TLN1: variants seen among roughly 807,000 people sequenced by gnomAD.
TLN1 encodes talin-1.
TLN1 carries 56 observed loss-of-function variants against 292.3 expected under a neutral mutation model. That is an observed-to-expected ratio of 0.19 (90% CI 0.15 to 0.24). TLN1 has a LOEUF of 0.24. Among genes scored for constraint, TLN1 ranks in the 10% least tolerant of loss-of-function variants. The pLI is 1.00. For synonymous variants in TLN1, 1,119 were observed against 1,253.7 expected (o/e 0.89, Z 2.27); for missense variants, 2,433 against 3,248.2 (o/e 0.75, Z 6.10).
Position 35,714,395 on chromosome 9 carries a change from G to A in TLN1, c.2986-22C>T, listed in dbSNP as rs1184775365. 2.5e-6 allele frequency: 4 copies of A among 1,598,134 alleles called. No individual in the cohort carries two copies. Among genetic ancestry groups the A allele is most frequent in the Non-Finnish European group, 3.4e-6 (4 of 1,172,360 alleles). ...CTGGCTGTTGGGGAATAGGCAGGTG[G>A]ATGAAGTGTGCCATCCTCCCTCTGG... is the stretch of plus-strand genomic sequence containing the variant. On this transcript the variant is annotated intron_variant, in intron 23 of 56. Coordinates refer to ENST00000314888, the MANE Select transcript of TLN1 (RefSeq NM_006289.4). This position sits in a 1 kb window ranked among gnomAD's most constrained non-coding sequence, Gnocchi z 4.6.
intron 17 of TLN1, 152 bp downstream of exon 17, chr9:35,718,660 A>C (rs957929358): frequency 3.4e-5 from 22 of 647,526 alleles, no homozygotes; most frequent in Non-Finnish European, 5.8e-5. Context: ...CCTAAAAGAG[A>C]GATCAGAAGT....
At chr9:35,721,492 C>T (rs1337021211) in intron 10 of TLN1, among the ~76,000 whole-genome samples, 156 bp downstream of exon 10, 2 of 152,200 alleles carry the variant, frequency 1.3e-5, no homozygotes, top group African/African-American at 4.8e-5. Flanking sequence ...ATTTAAGCCT[C>T]ACACTCTCCC....
chr9:35,725,092 T>C (rs1048557833), intron 3 of TLN1, 132 bp downstream of exon 3: 2 of 1,541,162 alleles, frequency 1.3e-6, no homozygotes, highest in Admixed American at 3.5e-5. Flanking sequence ...CAGGGAATTA[T>C]GACTGTCTGT....
chr9:35,723,356 G>C (rs1239200677), intron 7 of TLN1: 1 of 199,034 alleles, frequency 5.0e-6, no homozygotes, highest in Non-Finnish European at 1.0e-5. Context: ...GCCCGCCCTG[G>C]CCTCCCAAAG....
rs185474328 is a variant in TLN1 at position 35,711,303 on chromosome 9, G to A, written c.3971C>T (p.Thr1324Met). The A allele has an allele frequency of 1.9e-5, 30 of 1,614,172 alleles. No homozygotes were observed. The East Asian group carries it at 2.0e-4, about 11-fold the overall frequency. ...KLLLAAKALS[T>M]DPAAPNLKSQ... ...CTTGAGGTTAGGGGCAGCAGGGTCC[G>A]TGGACAGGGCCTTGGCAGCCAGAAG... Residue 1324 changes from threonine to methionine, a missense_variant, in exon 30 of 57, where the codon ACG (threonine) becomes ATG (methionine). By Grantham distance (81) the Thr-to-Met change is moderately conservative. Around this residue, in one of 7 missense-constraint regions of TLN1, gnomAD observed 1,384 missense variants for 1,699.6 expected, o/e 0.81. Transcript: ENST00000314888.
rs1430361730 is a variant in TLN1, at chr9:35,707,145, G to T, written c.4882C>A (p.Pro1628Thr). Residue 1628 changes from proline (P) to threonine (T), a missense_variant, in exon 37 of 57, where the codon CCG becomes ACG. Physicochemically the swap from Pro to Thr is conservative, Grantham distance 38 (BLOSUM62 -1). This residue lies in a region of TLN1 where 1,384 missense variants were observed against 1,699.6 expected (regional missense o/e 0.81). Transcript: ENST00000314888. The surrounding 1 kb of genome is among the most constrained non-coding windows in gnomAD (Gnocchi z 5.6). Reference sequence around the variant, plus strand: ...TGGCCGGCCAGCACCGACCAGCTCGGGGGGTCCCGGGGATTGACTGCGAGG... The same window carrying T: ...TGGCCGGCCAGCACCGACCAGCTCGTGGGGTCCCGGGGATTGACTGCGAGG... ...RALAVNPRDP[P>T]SWSVLAGHSR... 6.2e-7 allele frequency: 1 copy of T among 1,610,432 alleles called. No homozygotes were observed. The highest frequency in any genetic ancestry group is 1.7e-4 in the Middle Eastern group (1 of 6,006).
At chr9:35,715,874 G>A (rs930251132) in intron 20 of TLN1, among the ~76,000 whole-genome samples, 1 of 152,138 alleles carries the variant, frequency 6.6e-6, no homozygotes, top group Non-Finnish European at 1.5e-5. Context: ...CACCACTGTA[G>A]GATGACTAAA....
rs1409221403 is a variant in TLN1, at chr9:35,718,877, C to T, written c.1930G>A (p.Val644Met). ...RQNLLQAAGN[V>M]GQASGELLQQ... ...AACAGCTCCCCACTGGCCTGGCCCA[C>T]GTTCCCAGCTGCTTGCAGCAGGTTC... is the stretch of plus-strand genomic sequence containing the variant. Residue 644 changes from valine (V) to methionine (M), a missense_variant, in exon 17 of 57, where the codon GTG (valine) becomes ATG (methionine). This residue lies in a region of TLN1 where 617 missense variants were observed against 770.6 expected (regional missense o/e 0.80). Transcript: ENST00000314888. 12 of 1,613,384 alleles carry T rather than the reference C, an allele frequency of 7.4e-6. No homozygotes were observed. The highest frequency in any genetic ancestry group is 2.2e-5 in the East Asian group (1 of 44,876).
chr9:35,721,769 C>G lies in TLN1; in HGVS notation c.983G>C (p.Arg328Thr). ...ACACTCCTTGGTGATGCCCAGAAGC[C>G]TGGGCACTAGCTTGTTCTTCCCTTT... ...KMKGKNKLVP[R>T]LLGITKECVM... Residue 328 changes from arginine (R) to threonine (T), a missense_variant, in exon 10 of 57, where the codon AGG (arginine) becomes ACG (threonine). Arg to Thr is a moderately conservative substitution (Grantham distance 71, BLOSUM62 -1). Transcript: ENST00000314888. The G allele has an allele frequency of 6.2e-7, 1 of 1,613,284 alleles. No individual in the cohort carries two copies. The highest frequency in any genetic ancestry group is 8.5e-7 in the Non-Finnish European group (1 of 1,179,226).
rs377428465 is a variant in TLN1, at chr9:35,724,146, G to A, written c.654+46C>T. On this transcript the variant is annotated intron_variant, in intron 6 of 56. Coordinates refer to ENST00000314888, the MANE Select transcript of TLN1 (RefSeq NM_006289.4). The surrounding 1 kb of genome is among the most constrained non-coding windows in gnomAD (Gnocchi z 4.7). ...GCAAGGACACGCACACTGTGCTTCC[G>A]AGCCCTCCCTATTCCTGCCCCACCC... is the stretch of plus-strand genomic sequence containing the variant. 28 of 1,613,444 alleles carry A rather than the reference G, an allele frequency of 1.7e-5. No homozygotes were observed. Among genetic ancestry groups the A allele is most frequent in the South Asian group, 1.1e-4 (10 of 91,082 alleles).
chr9:35,730,381 C>T (rs1826052839), intron 1 of TLN1, among the ~76,000 whole-genome samples: 1 of 151,130 alleles, frequency 6.6e-6, no homozygotes, highest in Non-Finnish European at 1.5e-5. Flanking sequence ...GTGGGATCAG[C>T]AAGACCCAGT....
chr9:35,705,582 T>G lies in TLN1; in HGVS notation c.5702A>C (p.Lys1901Thr), dbSNP rs774131777. The stretch of plus-strand genomic sequence containing the variant: ...ATTTTCAGCAGCCACCGCTGCAGGC[T>G]TGGCCTCCGAGGCCAGACGGCCATA... ...SDYGRLASEA[K>T]PAAVAAENEE... Residue 1901 changes from lysine (K) to threonine (T), a missense_variant, in exon 43 of 57, where the codon AAG becomes ACG. By Grantham distance (78) the Lys-to-Thr change is moderately conservative. Coordinates refer to ENST00000314888, the MANE Select transcript of TLN1 (RefSeq NM_006289.4). 6.2e-7 allele frequency: 1 copy of G among 1,603,670 alleles called. No individual in the cohort carries two copies. The highest frequency in any genetic ancestry group is 8.5e-7 in the Non-Finnish European group (1 of 1,172,416).
chr9:35,720,076 G>A lies in TLN1; in HGVS notation c.1427C>T (p.Thr476Ile), dbSNP rs1825854756. The change falls in exon 13 of 57, where the codon ACC (threonine) becomes ATC (isoleucine). Residue 476 changes from threonine (T) to isoleucine (I), a missense_variant. Physicochemically the swap from Thr to Ile is moderately conservative, Grantham distance 89. Transcript: ENST00000314888. ...GSMPPAQQQI[T>I]SGQMHRGHMP... The stretch of plus-strand genomic sequence containing the variant: ...GTGTCCTCGGTGCATCTGGCCGCTG[G>A]TAATCTGCTGCTGGGCAGGGGGCAT... 6.2e-6 allele frequency: 10 copies of A among 1,603,152 alleles called. No homozygotes were observed. The highest frequency in any genetic ancestry group is 7.7e-6 in the Non-Finnish European group (9 of 1,175,166).
chr9:35,722,984 AC>A, intron 7 of TLN1, 63 bp from the exon 8 acceptor site: 2 of 1,458,630 alleles, frequency 1.4e-6, no homozygotes, highest in Non-Finnish European at 9.6e-7. Flanking sequence ...TGGGCCATGA[AC>A]TGTGGGCCTG....
chr9:35,723,733 G>T, intron 7 of TLN1: 1 of 596,824 alleles, frequency 1.7e-6, no homozygotes, highest in Non-Finnish European at 2.8e-6. Flanking sequence ...TTGCTTCAGA[G>T]ATGGGGGTAG....
intron 8 of TLN1, among the ~76,000 whole-genome samples, 193 bp downstream of exon 8, chr9:35,722,668 C>A (rs969212190): frequency 3.2e-4 from 49 of 152,170 alleles, no homozygotes; most frequent in African/African-American, 1.1e-3. Flanking sequence ...AATTGCACAG[C>A]AAAAGCAGGG....
At position 35,699,866 on chromosome 9, in the gene TLN1, G is replaced by A; in HGVS notation, c.6768+108C>T. On this transcript the variant is annotated intron_variant, in intron 50 of 56. Coordinates refer to ENST00000314888, the MANE Select transcript of TLN1 (RefSeq NM_006289.4). This position sits in a 1 kb window ranked among gnomAD's most constrained non-coding sequence, Gnocchi z 4.0. The stretch of plus-strand genomic sequence containing the variant: ...AACAGATTTGGGAAGTAGAGGGTGG[G>A]GTAGGGAGGAGATCTGAGCAAAACA... 8.3e-7 allele frequency: 1 copy of A among 1,209,158 alleles called. No homozygotes were observed. The highest frequency in any genetic ancestry group is 1.1e-6 in the Non-Finnish European group (1 of 872,196). 74.9% of individuals were successfully genotyped at this position (1,209,158 alleles called of 1,614,324 possible).
intron 1 of TLN1, among the ~76,000 whole-genome samples, chr9:35,729,436 A>G (rs1826031383): frequency 6.6e-6 from 1 of 152,218 alleles, no homozygotes; most frequent in African/African-American, 2.4e-5. Context: ...CAGGGTTAGG[A>G]TGGAAAGGCA....
chr9:35,711,491 TG>T, intron 29 of TLN1, 97 bp from the exon 30 acceptor site: 1 of 1,604,462 alleles, frequency 6.2e-7, no homozygotes, highest in South Asian at 1.1e-5. Flanking sequence ...TGCTAGAGAC[TG>T]GGGAGGGAAG....
Sources: gnomAD v4.1 joint callset for allele counts (sites outside exome capture counted in the v4.1 genomes callset) on GRCh38, gnomAD v4.1.1 for gene constraint, gnomAD v4.1.1 regional missense constraint, Gnocchi (gnomAD v3.1) non-coding constraint, MANE v1.5 for transcripts, NCBI Gene and HGNC (gene_info 2026-07-23, HGNC 2026-07-21) for gene names.